PCNX2: variants seen among roughly 807,000 people sequenced by gnomAD.
The protein encoded by PCNX2 is pecanex 2.
Under a neutral mutation model 223.8 loss-of-function variants are expected in PCNX2, and 168 were observed. The ratio of observed to expected loss-of-function variants is 0.75; its 90% confidence interval spans 0.66 to 0.85. The LOEUF is 0.85. Ranked by LOEUF, PCNX2 falls within the 40% of genes least tolerant of loss-of-function variation. The probability of loss-of-function intolerance (pLI) is 0.00; values close to 1 mark genes in which losing one functional copy is unlikely to be tolerated. For missense variants in PCNX2, 2,507 were observed against 2,675.5 expected (o/e 0.94, Z 1.39); for synonymous variants, 1,006 against 1,052.6 (o/e 0.96, Z 0.86).
intron 15 of PCNX2, among the ~76,000 whole-genome samples, chr1:233,183,742 G>C (rs1679941186): frequency 6.6e-6 from 1 of 152,192 alleles, no homozygotes; most frequent in South Asian, 2.1e-4. Context: ...ATGGATAACT[G>C]CAGTCAAGTA....
chr1:233,248,884 A>G (rs1659286316), intron 8 of PCNX2, among the ~76,000 whole-genome samples: 1 of 152,184 alleles, frequency 6.6e-6, no homozygotes, highest in Non-Finnish European at 1.5e-5. Flanking sequence ...CCGTTTCACC[A>G]AGGCTGAATG....
chr1:233,309,045 G>T, the PCNX2 span, among the ~76,000 whole-genome samples: 1 of 152,038 alleles, frequency 6.6e-6, no homozygotes, highest in Non-Finnish European at 1.5e-5. Flanking sequence ...ATAAAAAGAG[G>T]CAAAAGTTCC....
rs145727989 is a variant in PCNX2 at position 233,244,563 on chromosome 1, T to C, written c.2222+6176A>G. ...CCGTCTCTAGCAAAAATACAAAAAA[T>C]TAGCCAGGTGTGGTGGTGCATGCCT... is the stretch of plus-strand genomic sequence containing the variant. On this transcript the variant is annotated intron_variant, in intron 8 of 33. Coordinates refer to ENST00000258229, the MANE Select transcript of PCNX2 (RefSeq NM_014801.4). 4.7e-3 allele frequency among the ~76,000 whole-genome samples: 722 copies of C among 152,030 alleles called. 5 individuals carry two copies. The highest frequency in any genetic ancestry group is 0.016 in the African/African-American group (670 of 41,472).
chr1:233,241,912 T>C (rs1658794294), intron 8 of PCNX2, among the ~76,000 whole-genome samples: 1 of 152,202 alleles, frequency 6.6e-6, no homozygotes, highest in Admixed American at 6.5e-5. Flanking sequence ...AAACACAGTC[T>C]AAACAGACAT....
chr1:233,248,019 G>A (rs1349206387), intron 8 of PCNX2, among the ~76,000 whole-genome samples: 1 of 152,146 alleles, frequency 6.6e-6, no homozygotes, highest in African/African-American at 2.4e-5. Context: ...TGCTATCTGA[G>A]ACTGGTGGAC....
At chr1:233,207,828 G>A (rs1047502278) in intron 13 of PCNX2, among the ~76,000 whole-genome samples, 4 of 152,146 alleles carry the variant, frequency 2.6e-5, no homozygotes, top group African/African-American at 9.7e-5. Context: ...AAAGGGATTG[G>A]TGGAAGACTG....
At chr1:233,163,094 T>A (rs542172948) in intron 17 of PCNX2, among the ~76,000 whole-genome samples, 42 of 152,138 alleles carry the variant, frequency 2.8e-4, no homozygotes, top group Non-Finnish European at 5.6e-4. Context: ...CCTTTCTCTA[T>A]TTATTAAAAT....
At chr1:233,240,298 CT>C (rs1168382381) in intron 8 of PCNX2, among the ~76,000 whole-genome samples, 1 of 152,208 alleles carries the variant, frequency 6.6e-6, no homozygotes, top group Non-Finnish European at 1.5e-5. Flanking sequence ...ATGTTCTTTG[CT>C]AGCGTCTCTT....
At chr1:233,079,002 C>T (rs529331967) in intron 23 of PCNX2, among the ~76,000 whole-genome samples, 62 of 152,244 alleles carry the variant, frequency 4.1e-4, no homozygotes, top group Middle Eastern at 3.4e-3. Context: ...AGCATTCAGA[C>T]ACAAATTCTA....
chr1:233,165,425 C>T (rs548226649), intron 17 of PCNX2, among the ~76,000 whole-genome samples: 1 of 152,216 alleles, frequency 6.6e-6, no homozygotes, highest in African/African-American at 2.4e-5. Context: ...AAACATCCTA[C>T]AATGCACAAG....
chr1:233,269,811 C>G (rs1477653445), intron 1 of PCNX2, among the ~76,000 whole-genome samples: 1 of 152,142 alleles, frequency 6.6e-6, no homozygotes, highest in Non-Finnish European at 1.5e-5. Context: ...AGAGCATTTC[C>G]TCTGGCTGTG....
the PCNX2 span, among the ~76,000 whole-genome samples, chr1:233,317,339 G>T: frequency 1.2e-4 from 19 of 152,134 alleles, no homozygotes; most frequent in African/African-American, 4.3e-4. Flanking sequence ...GCTTGAACCT[G>T]GGAGGCAAAG....
chr1:233,152,212 GGCTGGTTTCTAAAAACTCA>G (rs1424405799), intron 19 of PCNX2, among the ~76,000 whole-genome samples: 8 of 152,170 alleles, frequency 5.3e-5, no homozygotes, highest in Admixed American at 5.2e-4. Flanking sequence ...CCAACTGACA[GGCTGGTTTCTAAAAACTCA>G]GCTCGAAGTC....
rs763038705 is a variant in PCNX2 at position 233,134,968 on chromosome 1, C to A, written c.3837+45G>T. ...CTCTTAAAACATTTGATAAGAACAG[C>A]CCCCTTTAAAATGTTAAAATGAAGA... On this transcript the variant is annotated intron_variant, in intron 21 of 33. Transcript: ENST00000258229. The A allele has an allele frequency of 6.4e-5, 92 of 1,440,230 alleles. 2 individuals carry two copies. The South Asian group carries it at 9.5e-4, about 15-fold the overall frequency. 89.2% of individuals were successfully genotyped at this position (1,440,230 alleles called of 1,614,324 possible). A position where few individuals can be genotyped will look rare whatever the true frequency, so the allele number is the denominator to read the frequency against.
rs952342833 is a variant in PCNX2 at position 233,115,808 on chromosome 1, C to G, written c.3837+19205G>C. ...ACAACAAAAAAGACAAACATAAACA[C>G]TACCATATCAATGATTACATTAAAT... On this transcript the variant is annotated intron_variant, in intron 21 of 33. Transcript: ENST00000258229. 4.6e-5 allele frequency among the ~76,000 whole-genome samples: 7 copies of G among 152,192 alleles called. 1 individual carries two copies. Among genetic ancestry groups the G allele is most frequent in the Middle Eastern group, 6.8e-3 (2 of 294 alleles).
chr1:233,204,024 G>T (rs1375225336), intron 13 of PCNX2, among the ~76,000 whole-genome samples: 2 of 152,188 alleles, frequency 1.3e-5, no homozygotes, highest in African/African-American at 2.4e-5. Context: ...GTTATAGGTT[G>T]AATTATGTTC....
rs200221183 is a variant in PCNX2, at chr1:233,054,270, C to T, written c.4349G>A (p.Arg1450Gln). Residue 1450 changes from arginine (R) to glutamine (Q), a missense_variant and splice_region_variant, in exon 25 of 34, where the codon CGA (arginine) becomes CAA (glutamine). By Grantham distance (43) the Arg-to-Gln change is conservative (BLOSUM62 1). Around this residue, in one of 3 missense-constraint regions of PCNX2, gnomAD observed 1,372 missense variants for 1,509.4 expected, o/e 0.91. Transcript: ENST00000258229. ...TTCTACAATGAAGAAATTCTTACCT[C>T]GGAATTCCAGTCCTCGAAGTTGAAA... Reference protein sequence around the residue: ...VTFQLRGLEFRGTYCQQREVE... With the variant: ...VTFQLRGLEFQGTYCQQREVE... 2,408 of 1,612,632 alleles carry T rather than the reference C, an allele frequency of 1.5e-3. 3 individuals carry two copies. The highest frequency in any genetic ancestry group is 1.7e-3 in the Non-Finnish European group (1,963 of 1,179,054).
intron 8 of PCNX2, among the ~76,000 whole-genome samples, chr1:233,244,710 C>A (rs1658998683): frequency 6.6e-6 from 1 of 151,836 alleles, no homozygotes; most frequent in East Asian, 1.9e-4. Flanking sequence ...GACCCTGTCT[C>A]AAAAAAATTA....
chr1:233,327,288 C>G, the PCNX2 span, among the ~76,000 whole-genome samples: 2 of 151,982 alleles, frequency 1.3e-5, no homozygotes, highest in Non-Finnish European at 1.5e-5. Flanking sequence ...ATCCCGCCTC[C>G]CAGACCATGT....
Sources: gnomAD v4.1 joint callset for allele counts (sites outside exome capture counted in the v4.1 genomes callset) on GRCh38, gnomAD v4.1.1 for gene constraint, gnomAD v4.1.1 regional missense constraint, MANE v1.5 for transcripts, NCBI Gene and HGNC (gene_info 2026-07-23, HGNC 2026-07-21) for gene names.